SNRPC: variants seen among roughly 807,000 people sequenced by gnomAD.
The protein encoded by SNRPC is small nuclear ribonucleoprotein polypeptide C.
In SNRPC, 5 loss-of-function variants were observed where a neutral mutation model predicts 20.0. The ratio of observed to expected loss-of-function variants is 0.25; its 90% CI spans 0.13 to 0.53. SNRPC has a LOEUF of 0.53. SNRPC is among the 20% of genes least tolerant of loss of function. The pLI is 0.96. For missense variants in SNRPC, 112 were observed against 224.1 expected, an observed-to-expected ratio of 0.50 and a Z score of 3.19; for synonymous variants, 61 against 58.7, an observed-to-expected ratio of 1.04 and a Z score of -0.18.
Position 34,773,818 on chromosome 6 carries a change from C to T in SNRPC, c.*248C>T. On this transcript the variant is annotated 3_prime_UTR_variant, in exon 6 of 6. Transcript: ENST00000244520. This position sits in a 1 kb window ranked among gnomAD's most constrained non-coding sequence, Gnocchi z 4.1. ...AAGTGTGTTCCCTTTTTCCTCCTCT[C>T]TGTGTTCTCTGTGTATTATAAAAGA... The T allele has an allele frequency of 3.1e-6, 1 of 326,400 alleles. No homozygotes were observed. Among genetic ancestry groups the T allele is most frequent in the South Asian group, 7.5e-5 (1 of 13,312 alleles). 20.2% of individuals were successfully genotyped at this position (326,400 alleles called of 1,614,324 possible).
chr6:34,770,848 G>A (rs1027389352), intron 5 of SNRPC, among the ~76,000 whole-genome samples: 3 of 152,162 alleles, frequency 2.0e-5, no homozygotes, highest in Non-Finnish European at 2.9e-5. Flanking sequence ...GCCACTTCTT[G>A]TTGCTTGTTT....
intron 3 of SNRPC, among the ~76,000 whole-genome samples, chr6:34,766,571 G>A (rs182858205): frequency 2.0e-5 from 3 of 152,196 alleles, no homozygotes; most frequent in Admixed American, 2.0e-4. Flanking sequence ...TTTTGAGAAT[G>A]GGGGGGAGCC....
intron 4 of SNRPC, among the ~76,000 whole-genome samples, chr6:34,768,535 T>C (rs1310401597): frequency 6.6e-6 from 1 of 152,096 alleles, no homozygotes; most frequent in Admixed American, 6.6e-5. Context: ...GTGGATCACC[T>C]GAGGTCAGGA....
chr6:34,761,861 G>A (rs1056890225), intron 2 of SNRPC, among the ~76,000 whole-genome samples: 6 of 151,968 alleles, frequency 3.9e-5, no homozygotes, highest in Non-Finnish European at 8.8e-5. Context: ...CACCCAGGCT[G>A]GAGTGTAGTG....
chr6:34,758,191 T>G (rs1307501656), intron 2 of SNRPC, among the ~76,000 whole-genome samples: 1 of 152,060 alleles, frequency 6.6e-6, no homozygotes, highest in East Asian at 1.9e-4. Context: ...GAGGATGAGG[T>G]GAGAGAATTG....
intron 3 of SNRPC, among the ~76,000 whole-genome samples, chr6:34,765,503 C>T (rs1192577049): frequency 1.3e-5 from 2 of 152,066 alleles, no homozygotes; most frequent in Non-Finnish European, 2.9e-5. Context: ...GTGGCACGAT[C>T]TCAGCTCACT....
Position 34,767,899 on chromosome 6 carries a change from C to CCCCTT in SNRPC, c.161-8_161-7insCCTTC. On this transcript the variant is annotated splice_polypyrimidine_tract_variant and intron_variant, in intron 3 of 5. Transcript: ENST00000244520. ...TCTTTTTTTTTTTTTTTTTCCTCAC[C>CCCCTT]CTCCAAAGCGGCTGCATTTCAACAA... 6.6e-7 allele frequency: 1 copy of CCCCTT among 1,508,692 alleles called. No individual in the cohort carries two copies. Among genetic ancestry groups the CCCCTT allele is most frequent in the Non-Finnish European group, 8.8e-7 (1 of 1,133,882 alleles). 93.5% of individuals were successfully genotyped at this position (1,508,692 alleles called of 1,614,324 possible).
At chr6:34,762,843 G>A (rs1764555734) in intron 3 of SNRPC, 140 bp downstream of exon 3, 1 of 627,602 alleles carries the variant, frequency 1.6e-6, no homozygotes, top group Non-Finnish European at 2.9e-6. Context: ...GAAGCAGAAG[G>A]TCATTGGTTT....
intron 3 of SNRPC, among the ~76,000 whole-genome samples, chr6:34,764,088 A>G (rs914774719): frequency 6.6e-6 from 1 of 151,962 alleles, no homozygotes; most frequent in Admixed American, 6.6e-5. Context: ...TTACGCCTGT[A>G]ATCTCAGCAC....
intron 3 of SNRPC, among the ~76,000 whole-genome samples, chr6:34,763,941 T>C (rs1311349114): frequency 6.7e-6 from 1 of 148,928 alleles, no homozygotes; most frequent in African/African-American, 2.4e-5. Context: ...GGTCTTGAAC[T>C]CCTGACCTCG....
Position 34,773,098 on chromosome 6 carries a change from A to C in SNRPC, c.356-348A>C. ...TGATTAAAAGAGCTGACTGAAAAAC[A>C]TGTGACTTAGTTGTGAATTTCCCTG... is the stretch of plus-strand genomic sequence containing the variant. On this transcript the variant is annotated intron_variant, in intron 5 of 5. Coordinates refer to ENST00000244520, the MANE Select transcript of SNRPC (RefSeq NM_003093.3). The surrounding 1 kb of genome is among the most constrained non-coding windows in gnomAD (Gnocchi z 4.1). 8.9e-6 allele frequency: 2 copies of C among 224,270 alleles called. No individual in the cohort carries two copies. The highest frequency in any genetic ancestry group is 1.8e-5 in the Non-Finnish European group (2 of 110,000). The allele number at this position is 224,270 out of a possible 1,614,324, so 13.9% of individuals were successfully genotyped here. A position where few individuals can be genotyped will look rare whatever the true frequency, so the allele number is the denominator to read the frequency against.
intron 3 of SNRPC, among the ~76,000 whole-genome samples, chr6:34,764,675 ATAAT>A (rs528902077): frequency 8.9e-4 from 135 of 151,968 alleles, no homozygotes; most frequent in African/African-American, 3.2e-3. Context: ...AAAAATAATA[ATAAT>A]TAATAAATAA....
At chr6:34,769,174 CG>C (rs562496014) in intron 4 of SNRPC, among the ~76,000 whole-genome samples, 356 of 151,684 alleles carry the variant, frequency 2.3e-3, no homozygotes, top group African/African-American at 8.0e-3. Context: ...TTTTTGATAG[CG>C]GAATAGTCTA....
intron 5 of SNRPC, 46 bp downstream of exon 5, chr6:34,770,441 T>A (rs368443953): frequency 2.1e-5 from 26 of 1,226,224 alleles, no homozygotes; most frequent in Non-Finnish European, 3.0e-5. Flanking sequence ...TTTAGTTTAG[T>A]TACTATGCAT....
At chr6:34,766,508 G>A (rs960864300) in intron 3 of SNRPC, among the ~76,000 whole-genome samples, 7 of 152,190 alleles carry the variant, frequency 4.6e-5, no homozygotes, top group African/African-American at 1.2e-4. Context: ...TTGAATACAC[G>A]TTTTTGTTTT....
At chr6:34,768,697 A>C (rs930899298) in intron 4 of SNRPC, among the ~76,000 whole-genome samples, 40 of 150,440 alleles carry the variant, frequency 2.7e-4, no homozygotes, top group Admixed American at 8.0e-4. Context: ...GGTTGCAGTG[A>C]GCTGAGATCA....
intron 5 of SNRPC, among the ~76,000 whole-genome samples, chr6:34,770,969 T>C (rs533284966): frequency 2.4e-4 from 36 of 152,342 alleles, no homozygotes; most frequent in Non-Finnish European, 4.0e-4. Flanking sequence ...CATTTTATTT[T>C]AATGTAAATT....
rs186906243 is a variant in SNRPC at position 34,772,122 on chromosome 6, A to G, written c.356-1324A>G. Among the ~76,000 whole-genome samples the G allele has an allele frequency of 1.8e-3, 271 of 152,262 alleles. 1 individual carries two copies. The highest frequency in any genetic ancestry group is 6.0e-3 in the African/African-American group (250 of 41,576). ...AATTAGAGGGTGGACGGGGATAGGAATGGGTGGGGAGTATAGATAAAGTTG... is the reference window on the plus strand; with the variant it reads ...AATTAGAGGGTGGACGGGGATAGGAGTGGGTGGGGAGTATAGATAAAGTTG... On this transcript the variant is annotated intron_variant, in intron 5 of 5. Transcript: ENST00000244520.
intron 3 of SNRPC, among the ~76,000 whole-genome samples, chr6:34,764,206 G>A (rs943729020): frequency 3.0e-4 from 45 of 149,414 alleles, no homozygotes; most frequent in African/African-American, 4.2e-4. Flanking sequence ...TTGGCCGGGC[G>A]TGGTGGCTCA....
Sources: allele counts gnomAD v4.1 joint callset (sites outside exome capture counted in the v4.1 genomes callset), GRCh38; gene constraint gnomAD v4.1.1; non-coding constraint Gnocchi (gnomAD v3.1); transcripts MANE v1.5; gene names NCBI Gene and HGNC (gene_info 2026-07-23, HGNC 2026-07-21).